LTBP4: variants seen among roughly 807,000 people sequenced by gnomAD.
The protein encoded by LTBP4 is latent-transforming growth factor beta-binding protein 4.
LTBP4 carries 93 observed loss-of-function variants against 180.2 expected under a neutral mutation model. The ratio of observed to expected loss-of-function variants is 0.52; its 90% confidence interval spans 0.44 to 0.61. The LOEUF is 0.61. Ranked by LOEUF, LTBP4 falls within the 20% of genes least tolerant of loss-of-function variation. The probability of loss-of-function intolerance (pLI) is 0.00; values close to 1 mark genes in which losing one functional copy is unlikely to be tolerated. For synonymous variants in LTBP4, 947 were observed against 934.5 expected (o/e 1.01, Z -0.24); for missense variants, 2,116 against 2,256.5 (o/e 0.94, Z 1.26).
In LTBP4 at chr19:40,593,282, G is replaced by C. The variant is rs1437225913; in HGVS notation, c.16+101G>C. 4 of 1,428,790 alleles carry C rather than the reference G, an allele frequency of 2.8e-6. No homozygotes were observed. In the African/African-American group the frequency reaches 4.2e-5, roughly 15 times the overall value. 88.5% of individuals were successfully genotyped at this position (1,428,790 alleles called of 1,614,324 possible). A position where few individuals can be genotyped will look rare whatever the true frequency, so the allele number is the denominator to read the frequency against. ...TTTTGAGACAGGGTCTTGCTTTGTT[G>C]CCCGGGCTAGGGTGCAGTGGTGCAA... On this transcript the variant is annotated intron_variant, in intron 1 of 32. Coordinates refer to the LTBP4 transcript ENST00000204005.
At position 40,622,451 on chromosome 19, in the gene LTBP4, G is replaced by T. The variant is rs372105249; in HGVS notation, c.3268G>T (p.Ala1090Ser). 6.3e-7 allele frequency: 1 copy of T among 1,596,914 alleles called. No homozygotes were observed. The highest frequency in any genetic ancestry group is 8.5e-7 in the Non-Finnish European group (1 of 1,170,522). Residue 1090 changes from alanine to serine, a missense_variant, in exon 23 of 30, where the codon GCC becomes TCC. Ala to Ser is a moderately conservative substitution (Grantham distance 99). Transcript: ENST00000396819. The surrounding 1 kb of genome is among the most constrained non-coding windows in gnomAD (Gnocchi z 5.1). ...GGCACCTGCTAGCCCCGTTCTGCCC[G>T]CCAGGCCACCTCCGCCACCCCTGCC... is the stretch of plus-strand genomic sequence containing the variant. The part of the protein sequence containing the change: ...PQAPASPVLP[A>S]RPPPPPLPRR...
chr19:40,624,002 C>A lies in LTBP4; in HGVS notation c.3752C>A (p.Ser1251Tyr). 6.2e-7 allele frequency: 1 copy of A among 1,613,144 alleles called. No individual in the cohort carries two copies. The highest frequency in any genetic ancestry group is 1.1e-5 in the South Asian group (1 of 90,914). Residue 1251 changes from serine (S) to tyrosine (Y), a missense_variant, in exon 26 of 30, where the codon TCT becomes TAT. By Grantham distance (144) the Ser-to-Tyr change is moderately radical. Around this residue, in one of 5 missense-constraint regions of LTBP4, gnomAD observed 488 missense variants for 458.8 expected, o/e 1.06. Transcript: ENST00000396819. ...EGGRCVNTVG[S>Y]YHCTCEPPLV... The stretch of plus-strand genomic sequence containing the variant: ...GGCCGCTGTGTCAACACTGTGGGCT[C>A]TTATCACTGTACCTGCGAGCCCCCA...
chr19:40,607,443 G>A lies in LTBP4; in HGVS notation c.1070G>A (p.Arg357Gln). ...RDGGCSLPIL[R>Q]NITKQICCCS... is the part of the protein sequence containing the mutation. ...GGCGGCTGTTCGCTGCCCATTCTGCGGAACATCACTAAACAGATCTGCTGC... is the reference window on the plus strand; with the variant it reads ...GGCGGCTGTTCGCTGCCCATTCTGCAGAACATCACTAAACAGATCTGCTGC... Residue 357 changes from arginine to glutamine, a missense_variant, in exon 7 of 30, where the codon CGG becomes CAG. Transcript: ENST00000396819. The A allele has an allele frequency of 1.2e-6, 2 of 1,613,356 alleles. No homozygotes were observed. Among genetic ancestry groups the A allele is most frequent in the Non-Finnish European group, 1.7e-6 (2 of 1,179,728 alleles).
At chr19:40,602,066 G>A (rs2081427663) in intron 1 of LTBP4, among the ~76,000 whole-genome samples, 1 of 151,402 alleles carries the variant, frequency 6.6e-6, no homozygotes, top group African/African-American at 2.4e-5. Context: ...GTTCTGTATG[G>A]GAATGCCTGT....
chr19:40,626,360 G>A (rs1394689771), intron 27 of LTBP4, among the ~76,000 whole-genome samples: 2 of 151,958 alleles, frequency 1.3e-5, no homozygotes. Flanking sequence ...TGAAATGCCA[G>A]TTGCTCAGAC....
chr19:40,603,290 C>T (rs1296391522), intron 1 of LTBP4, among the ~76,000 whole-genome samples: 7 of 152,234 alleles, frequency 4.6e-5, no homozygotes, highest in Admixed American at 6.5e-5. Flanking sequence ...GGACTCCAGA[C>T]ATTGTGCTCC....
chr19:40,594,106 G>GT (rs749706357), intron 1 of LTBP4, among the ~76,000 whole-genome samples: 2 of 151,860 alleles, frequency 1.3e-5, no homozygotes, highest in South Asian at 2.1e-4. Flanking sequence ...GGGGGAGGGG[G>GT]TGGGGGGGGA....
In LTBP4 at chr19:40,629,296, C is replaced by T; in HGVS notation, c.4520-100C>T. ...AGAGGCCAGATTGGACTCCAAACTG[C>T]TCAGCATCTGTGCTCCTCTGTTCCA... On this transcript the variant is annotated intron_variant, in intron 29 of 29. Coordinates refer to ENST00000396819, the MANE Select transcript of LTBP4 (RefSeq NM_001042545.2). This position sits in a 1 kb window ranked among gnomAD's most constrained non-coding sequence, Gnocchi z 4.5. 1 of 1,521,386 alleles carries T rather than the reference C, an allele frequency of 6.6e-7. No homozygotes were observed. The highest frequency in any genetic ancestry group is 9.1e-7 in the Non-Finnish European group (1 of 1,100,516). The allele number at this position is 1,521,386 out of a possible 1,614,324, so 94.2% of individuals were successfully genotyped here.
Position 40,611,261 on chromosome 19 carries a change from T to G in LTBP4, c.1920T>G (p.Cys640Trp), listed in dbSNP as rs1469478193. 4.3e-6 allele frequency: 7 copies of G among 1,612,510 alleles called. No homozygotes were observed. The highest frequency in any genetic ancestry group is 5.9e-6 in the Non-Finnish European group (7 of 1,179,484). The change falls in exon 13 of 30, where the codon TGT (cysteine) becomes TGG (tryptophan). Residue 640 changes from cysteine to tryptophan, a missense_variant. Physicochemically the swap from Cys to Trp is radical, Grantham distance 215 (BLOSUM62 -2). This residue lies in a region of LTBP4 where 877 missense variants were observed against 873.6 expected (regional missense o/e 1.00). Transcript: ENST00000396819. This position sits in a 1 kb window ranked among gnomAD's most constrained non-coding sequence, Gnocchi z 4.4. ...CGGCTGGCTTCCGGGGCTCGGCGTGTGAAGAGGATGTGGATGAGTGTGCCC... is the reference window on the plus strand; with the variant it reads ...CGGCTGGCTTCCGGGGCTCGGCGTGGGAAGAGGATGTGGATGAGTGTGCCC... Reference protein sequence around the residue: ...VCPAGFRGSACEEDVDECAQE... With the variant: ...VCPAGFRGSAWEEDVDECAQE...
In LTBP4 at chr19:40,610,932, G is replaced by C. The variant is rs762272786; in HGVS notation, c.1811-220G>C. The C allele has an allele frequency of 4.2e-6, 3 of 721,606 alleles. No individual in the cohort carries two copies. In the South Asian group the frequency reaches 5.9e-5, roughly 14 times the overall value. 44.7% of individuals were successfully genotyped at this position (721,606 alleles called of 1,614,324 possible). On this transcript the variant is annotated intron_variant, in intron 12 of 29. Transcript: ENST00000396819. Reference sequence around the variant, plus strand: ...ATCGGGTAAGGGGAGCAGAGTTATGGAGGAAAGGGGAGAAGGAGGCCTTCT... The same window carrying C: ...ATCGGGTAAGGGGAGCAGAGTTATGCAGGAAAGGGGAGAAGGAGGCCTTCT...
chr19:40,615,225 C>A (rs1299828697), intron 19 of LTBP4: 1 of 129,544 alleles, frequency 7.7e-6, no homozygotes, highest in African/African-American at 3.0e-5. Context: ...GTGTGTGAGT[C>A]CGCATCTTGT....
At chr19:40,610,048 T>A in intron 11 of LTBP4, 177 bp downstream of exon 11, 2 of 839,646 alleles carry the variant, frequency 2.4e-6, no homozygotes, top group Admixed American at 6.5e-5. Flanking sequence ...CCAGCCTCCC[T>A]TTGACCCCAC....
chr19:40,606,199 C>T, intron 4 of LTBP4, 34 bp from the exon 5 acceptor site: 1 of 1,550,548 alleles, frequency 6.4e-7, no homozygotes, highest in South Asian at 1.2e-5. Context: ...CTCTGCCCAC[C>T]TGTCCCTGGC....
Position 40,614,424 on chromosome 19 carries a change from G to C in LTBP4, c.2790G>C (p.Ala930=), listed in dbSNP as rs2081532394. 6.3e-7 allele frequency: 1 copy of C among 1,599,008 alleles called. No homozygotes were observed. The highest frequency in any genetic ancestry group is 1.3e-5 in the African/African-American group (1 of 74,898). ...GGGACTGCGATCCTGGGTACCACGC[G>C]GGCCCCGAGGGCACCTGTGACGGTG... The part of the protein sequence containing the change: ...CVRDCDPGYH[A]GPEGTCDDVD... Residue 930 remains alanine, a synonymous_variant, in exon 19 of 30, where the codon GCG becomes GCC. Coordinates refer to ENST00000396819, the MANE Select transcript of LTBP4 (RefSeq NM_001042545.2).
intron 19 of LTBP4, among the ~76,000 whole-genome samples, chr19:40,615,775 A>G (rs2081544726): frequency 6.6e-6 from 1 of 152,166 alleles, no homozygotes; most frequent in Non-Finnish European, 1.5e-5. Context: ...AATTTATACA[A>G]CAAAAAACTG....
intron 19 of LTBP4, among the ~76,000 whole-genome samples, chr19:40,615,738 G>A (rs988548897): frequency 3.3e-5 from 5 of 152,084 alleles, no homozygotes; most frequent in Non-Finnish European, 7.3e-5. Context: ...CAGCCTCGGC[G>A]ACAGAGTGAG....
chr19:40,619,119 G>A lies in LTBP4; in HGVS notation c.3071-228G>A, dbSNP rs911613423. Among the ~76,000 whole-genome samples the A allele has an allele frequency of 6.6e-5, 10 of 151,898 alleles. No homozygotes were observed. The South Asian group carries it at 2.1e-3, about 32-fold the overall frequency. On this transcript the variant is annotated intron_variant, in intron 21 of 29. Transcript: ENST00000396819. ...CTGTTTGGTCATTCCTGGAACTTGT[G>A]CCCACCTCTCAGAGTAGATATAGCC... is the stretch of plus-strand genomic sequence containing the variant.
chr19:40,623,174 C>CTTTTT (rs11376199), intron 24 of LTBP4, among the ~76,000 whole-genome samples, 153 bp downstream of exon 24: 1 of 138,368 alleles, frequency 7.2e-6, no homozygotes, highest in African/African-American at 2.7e-5. Flanking sequence ...TCTTTTCTTT[C>CTTTTT]TTTTTTTTTT....
At chr19:40,612,433 T>C (rs183149030) in intron 15 of LTBP4, among the ~76,000 whole-genome samples, 4 of 152,270 alleles carry the variant, frequency 2.6e-5, no homozygotes, top group Admixed American at 1.3e-4. Flanking sequence ...TCCCTGCCCA[T>C]ACCCTGATAG....
Sources: gnomAD v4.1 joint callset for allele counts (sites outside exome capture counted in the v4.1 genomes callset) on GRCh38, gnomAD v4.1.1 for gene constraint, gnomAD v4.1.1 regional missense constraint, Gnocchi (gnomAD v3.1) non-coding constraint, MANE v1.5 for transcripts, NCBI Gene and HGNC (gene_info 2026-07-23, HGNC 2026-07-21) for gene names.